The following NLRC5 variants were observed in gnomAD, a reference collection of about 807,000 sequenced individuals.
NLRC5 encodes the protein protein NLRC5.
NLRC5 carries 114 observed loss-of-function variants against 206.9 expected under a neutral mutation model. The observed-to-expected ratio is 0.55, with a 90% CI of 0.47 to 0.64. The LOEUF (loss-of-function observed/expected upper bound fraction) is 0.64. NLRC5 is among the 30% of genes least tolerant of loss of function. The pLI is 0.00. For missense variants in NLRC5, 2,008 were observed against 2,305.5 expected, an observed-to-expected ratio of 0.87 and a Z score of 2.64; for synonymous variants, 952 against 962.8, an observed-to-expected ratio of 0.99 and a Z score of 0.21.
chr16:57,078,992 G>T, intron 43 of NLRC5, 58 bp from the exon 44 acceptor site: 1 of 1,489,126 alleles, frequency 6.7e-7, no homozygotes, highest in Non-Finnish European at 9.3e-7. Context: ...AAGGCTGAGG[G>T]TGGGGCTCTG....
At chr16:57,016,986 G>C (rs1218790785) in intron 1 of NLRC5, 88 bp from the exon 2 acceptor site, 1 of 152,978 alleles carries the variant, frequency 6.5e-6, no homozygotes, top group East Asian at 1.9e-4. Flanking sequence ...GTCTCCGGCA[G>C]GCAGGGGCAA....
At chr16:57,018,706 T>C (rs1160672170) in intron 2 of NLRC5, among the ~76,000 whole-genome samples, 1 of 152,156 alleles carries the variant, frequency 6.6e-6, no homozygotes, top group Non-Finnish European at 1.5e-5. Flanking sequence ...GTGGACTCTC[T>C]GGAGTTGTGA....
In NLRC5 at chr16:57,082,633, G is replaced by T. The variant is rs754567844; in HGVS notation, c.*105G>T. 4 of 774,702 alleles carry T rather than the reference G, an allele frequency of 5.2e-6. No individual in the cohort carries two copies. The highest frequency in any genetic ancestry group is 2.5e-5 in the Admixed American group (1 of 40,172). The allele number at this position is 774,702 out of a possible 1,614,324, so 48.0% of individuals were successfully genotyped here. ...CAGGAAAGAAGAGCCTCGGCAGGGC[G>T]CTCTGCACTCCACCCAGGAGGAAGG... On this transcript the variant is annotated 3_prime_UTR_variant, in exon 49 of 49. Transcript: ENST00000688547.
chr16:57,074,439 G>T (rs1283522452), intron 38 of NLRC5, 161 bp from the exon 39 acceptor site: 3 of 637,064 alleles, frequency 4.7e-6, no homozygotes, highest in Non-Finnish European at 5.8e-6. Context: ...ACAGCATTTG[G>T]ACCTCCCAGT....
At chr16:57,055,596 G>A (rs1048454020) in intron 27 of NLRC5, 77 bp downstream of exon 27, 40 of 1,183,884 alleles carry the variant, frequency 3.4e-5, no homozygotes, top group East Asian at 1.7e-4. Context: ...ATGAGGGTCC[G>A]TGTGTGCACA....
chr16:57,023,611 A>C (rs1168786739), intron 4 of NLRC5, among the ~76,000 whole-genome samples, 174 bp from the exon 5 acceptor site: 2 of 152,162 alleles, frequency 1.3e-5, no homozygotes, highest in Non-Finnish European at 2.9e-5. Flanking sequence ...CTCTGCAAAT[A>C]GAAGCTGGTG....
Position 57,028,395 on chromosome 16 carries a change from CT to C in NLRC5, c.2243+11del, listed in dbSNP as rs2061462241. On this transcript the variant is annotated intron_variant, in intron 8 of 48. Transcript: ENST00000688547. Reference sequence around the variant, plus strand: ...AGCTGAAAGAAGTCAGGTGAGTGATCTCCAGGAGGGCTCACTGACTGGGGAG... The same window carrying C: ...AGCTGAAAGAAGTCAGGTGAGTGATCCCAGGAGGGCTCACTGACTGGGGAG... 6.2e-7 allele frequency: 1 copy of C among 1,610,422 alleles called. No individual in the cohort carries two copies. The highest frequency in any genetic ancestry group is 1.7e-5 in the Admixed American group (1 of 59,998).
chr16:57,045,467 C>A lies in NLRC5; in HGVS notation c.3223C>A (p.Leu1075Ile), dbSNP rs749888734. Residue 1075 changes from leucine to isoleucine, a missense_variant, in exon 21 of 49, where the codon CTC becomes ATC. Coordinates refer to ENST00000688547, the MANE Select transcript of NLRC5 (RefSeq NM_001384950.1). ...TTCCAGCTTTGAAAGCCAACACATC[C>A]TCCTGAGAGGGGACAAGACAAGCAG... is the stretch of plus-strand genomic sequence containing the variant. ...LDISFESQHI[L>I]LRGDKTSRDM... is the part of the protein sequence containing the mutation. The A allele has an allele frequency of 6.2e-7, 1 of 1,614,130 alleles. No homozygotes were observed. The highest frequency in any genetic ancestry group is 8.5e-7 in the Non-Finnish European group (1 of 1,180,010).
intron 1 of NLRC5, among the ~76,000 whole-genome samples, chr16:56,993,589 G>C (rs1459904301): frequency 2.6e-5 from 4 of 152,150 alleles, no homozygotes; most frequent in Non-Finnish European, 5.9e-5. Flanking sequence ...CCCACCAGCT[G>C]GAGGGGGAGG....
At chr16:57,039,982 C>A in intron 16 of NLRC5, 133 bp downstream of exon 16, 1 of 807,242 alleles carries the variant, frequency 1.2e-6, no homozygotes, top group Non-Finnish European at 2.0e-6. Flanking sequence ...GGGAAGTGAG[C>A]AGGCTTGGCA....
At chr16:56,993,120 T>A (rs531697596) in intron 1 of NLRC5, among the ~76,000 whole-genome samples, 1 of 105,326 alleles carries the variant, frequency 9.5e-6, no homozygotes, top group East Asian at 3.7e-4. Context: ...CGTATATATG[T>A]GTATATATAT....
At chr16:57,077,579 C>CCTCA in intron 41 of NLRC5, 140 bp from the exon 42 acceptor site, 1 of 979,006 alleles carries the variant, frequency 1.0e-6, no homozygotes, top group Non-Finnish European at 1.5e-6. Flanking sequence ...GGCCTTTCTG[C>CCTCA]CTCATTGTCT....
intron 1 of NLRC5, among the ~76,000 whole-genome samples, chr16:57,014,942 T>C (rs1390372396): frequency 6.6e-6 from 1 of 151,780 alleles, no homozygotes; most frequent in Non-Finnish European, 1.5e-5. Flanking sequence ...TTTTTTTGTT[T>C]GTTTGAGATG....
In NLRC5 at chr16:57,028,172, A is replaced by G. The variant is rs759837979; in HGVS notation, c.2159+17A>G. The G allele has an allele frequency of 6.2e-7, 1 of 1,609,172 alleles. No homozygotes were observed. The highest frequency in any genetic ancestry group is 8.5e-7 in the Non-Finnish European group (1 of 1,176,214). On this transcript the variant is annotated intron_variant, in intron 7 of 48. Transcript: ENST00000688547. Reference sequence around the variant, plus strand: ...GATGCTGGGGTGAGCCAGGCCTTGGAGCTGAGAAGGGTCTTCAGCTGGGGA... The same window carrying G: ...GATGCTGGGGTGAGCCAGGCCTTGGGGCTGAGAAGGGTCTTCAGCTGGGGA...
rs768620674 is a variant in NLRC5 at position 57,040,699 on chromosome 16, C to T, written c.2920C>T (p.Leu974=). ...GCTCCAGATGCCCTCTGAGCTGCCT[C>T]TGAGCTCCCGAAGGATGAGGTACAG... The part of the protein sequence containing the change: ...LMLQMPSELP[L]SSRRMRLTHC... The change falls in exon 17 of 49, where the codon CTG becomes TTG. Residue 974 remains leucine (L), a synonymous_variant. Coordinates refer to ENST00000688547, the MANE Select transcript of NLRC5 (RefSeq NM_001384950.1). The T allele has an allele frequency of 1.2e-6, 2 of 1,614,074 alleles. No individual in the cohort carries two copies. Among genetic ancestry groups the T allele is most frequent in the South Asian group, 1.1e-5 (1 of 91,092 alleles).
chr16:57,044,569 G>C (rs988783996), intron 20 of NLRC5, among the ~76,000 whole-genome samples: 7 of 152,060 alleles, frequency 4.6e-5, no homozygotes, highest in Non-Finnish European at 8.8e-5. Context: ...CTCAGAGCAG[G>C]TCCCAGAGCC....
chr16:57,000,100 G>T (rs1446277860), intron 1 of NLRC5, among the ~76,000 whole-genome samples: 1 of 152,170 alleles, frequency 6.6e-6, no homozygotes, highest in Non-Finnish European at 1.5e-5. Context: ...AAGCCCCAGG[G>T]AGAGGCCTCT....
intron 1 of NLRC5, among the ~76,000 whole-genome samples, chr16:57,006,181 T>C (rs34218679): frequency 0.16 from 24,297 of 151,472 alleles, 2,066 homozygotes; most frequent in Non-Finnish European, 0.19. Flanking sequence ...GTATTTTTTG[T>C]CAAGATGGGG....
At chr16:57,070,189 C>A (rs140592539) in intron 37 of NLRC5, among the ~76,000 whole-genome samples, 29 of 152,176 alleles carry the variant, frequency 1.9e-4, no homozygotes, top group Admixed American at 5.2e-4. Flanking sequence ...GGCTCATGAG[C>A]CTTGCTCTGC....
Sources: allele counts gnomAD v4.1 joint callset (sites outside exome capture counted in the v4.1 genomes callset), GRCh38; gene constraint gnomAD v4.1.1; transcripts MANE v1.5; gene names NCBI Gene and HGNC (gene_info 2026-07-23, HGNC 2026-07-21).